The following UGT1A8 variants were observed in gnomAD, a reference collection of about 807,000 sequenced individuals.
UGT1A8 encodes the protein UDP-glucuronosyltransferase 1A8.
Under a neutral mutation model 45.3 loss-of-function variants are expected in UGT1A8, and 39 were observed. The observed-to-expected ratio is 0.86, with a 90% confidence interval of 0.67 to 1.12. The LOEUF is 1.12. Ranked by LOEUF, UGT1A8 falls within the 50% of genes most tolerant of loss-of-function variation. The probability of loss-of-function intolerance (pLI) is 0.00; values close to 1 mark genes in which losing one functional copy is unlikely to be tolerated. For missense variants in UGT1A8, 719 were observed against 664.9 expected (o/e 1.08, Z -0.90); for synonymous variants, 275 against 249.2 (o/e 1.10, Z -0.97).
rs552821881 is a variant in UGT1A8, at chr2:233,706,635, T to C, written c.856-60399T>C. ...AGACTAGAGAAATGAGTGTTTCTAC[T>C]GTGTCTGTGCCCCATCACTGTAGGT... On this transcript the variant is annotated intron_variant, in intron 1 of 4. Transcript: ENST00000373450. Among the ~76,000 whole-genome samples, 3 of 152,330 alleles carry C rather than the reference T, an allele frequency of 2.0e-5. No homozygotes were observed. The South Asian group carries it at 6.2e-4, about 32-fold the overall frequency.
chr2:233,643,994 G>T (rs748450381), intron 1 of UGT1A8, among the ~76,000 whole-genome samples: 1 of 152,224 alleles, frequency 6.6e-6, no homozygotes, highest in African/African-American at 2.4e-5. Flanking sequence ...TTTTGGAGCC[G>T]CAAGCTGTGC....
In UGT1A8 at chr2:233,760,260, G is replaced by A. The variant is rs753448247; in HGVS notation, c.856-6774G>A. ...TATATATATATATAAGTAGGAGAGG[G>A]CGAACCTCTGGCAGGAGCAAAGGCG... On this transcript the variant is annotated intron_variant, in intron 1 of 4. Coordinates refer to ENST00000373450, the MANE Select transcript of UGT1A8 (RefSeq NM_019076.5). 3.1e-6 allele frequency: 5 copies of A among 1,611,260 alleles called. 1 individual carries two copies. Among genetic ancestry groups the A allele is most frequent in the South Asian group, 2.2e-5 (2 of 90,906 alleles).
intron 1 of UGT1A8, among the ~76,000 whole-genome samples, chr2:233,765,461 A>G (rs963338723): frequency 3.9e-5 from 6 of 152,204 alleles, no homozygotes; most frequent in Non-Finnish European, 8.8e-5. Flanking sequence ...TTGCAAGGAC[A>G]TGGATGAAGC....
At position 233,772,691 on chromosome 2, in the gene UGT1A8, T is replaced by G. The variant is rs1314986383; in HGVS notation, c.*132T>G. ...TTGCATAAATTAATCAGCCCCAGAG[T>G]GCTTTAAAAAATTCTCTTAAATAAA... On this transcript the variant is annotated 3_prime_UTR_variant, in exon 5 of 5. Transcript: ENST00000373450. 1 of 1,488,486 alleles carries G rather than the reference T, an allele frequency of 6.7e-7. No individual in the cohort carries two copies. Among genetic ancestry groups the G allele is most frequent in the African/African-American group, 1.4e-5 (1 of 70,486 alleles). The allele number at this position is 1,488,486 out of a possible 1,614,324, so 92.2% of individuals were successfully genotyped here. A position where few individuals can be genotyped will look rare whatever the true frequency, so the allele number is the denominator to read the frequency against.
intron 1 of UGT1A8, among the ~76,000 whole-genome samples, chr2:233,668,955 A>G (rs1323867070): frequency 2.0e-5 from 3 of 152,334 alleles, no homozygotes; most frequent in East Asian, 1.9e-4. Context: ...CTGGTGAGGT[A>G]TTCTGTAGAA....
chr2:233,769,558 G>A lies in UGT1A8; in HGVS notation c.1295+1119G>A. On this transcript the variant is annotated intron_variant, in intron 4 of 4. Coordinates refer to ENST00000373450, the MANE Select transcript of UGT1A8 (RefSeq NM_019076.5). This position sits in a 1 kb window ranked among gnomAD's most constrained non-coding sequence, Gnocchi z 4.4. ...AGAAGCAGCAGTCAGGAAGACAGAT[G>A]TGAAGAGCTGGAGCATGTTCAGATG... 2 of 1,612,872 alleles carry A rather than the reference G, an allele frequency of 1.2e-6. No individual in the cohort carries two copies. The highest frequency in any genetic ancestry group is 1.7e-6 in the Non-Finnish European group (2 of 1,179,832).
intron 4 of UGT1A8, among the ~76,000 whole-genome samples, chr2:233,771,924 G>A (rs1363047939): frequency 1.3e-5 from 2 of 151,928 alleles, no homozygotes; most frequent in Non-Finnish European, 2.9e-5. Context: ...AACACAGCCT[G>A]GGCAACACAA....
Position 233,618,459 on chromosome 2 carries a change from G to A in UGT1A8, c.752G>A (p.Trp251Ter), listed in dbSNP as rs1269683639. 1 of 1,613,808 alleles carries A rather than the reference G, an allele frequency of 6.2e-7. No individual in the cohort carries two copies. Among genetic ancestry groups the A allele is most frequent in the Non-Finnish European group, 8.5e-7 (1 of 1,179,806 alleles). ...AYDLYSHTSI[W>*]LLRTDFVLDY... ...GATCTCTACAGCCACACATCAATTTGGTTGTTGCGAACAGACTTTGTTTTG... is the reference window on the plus strand; with the variant it reads ...GATCTCTACAGCCACACATCAATTTAGTTGTTGCGAACAGACTTTGTTTTG... The change falls in exon 1 of 5, where the codon TGG becomes TAG. Residue 251 changes from tryptophan (W) to a stop codon, truncating the protein, a stop_gained. Coordinates refer to ENST00000373450, the MANE Select transcript of UGT1A8 (RefSeq NM_019076.5). LOFTEE classifies it high-confidence loss of function.
chr2:233,691,190 G>A, intron 1 of UGT1A8: 1 of 985,670 alleles, frequency 1.0e-6, no homozygotes, highest in Non-Finnish European at 1.2e-6. Context: ...CAAGAAGGTG[G>A]ACCTGAGCTC....
At chr2:233,693,942 C>G in intron 1 of UGT1A8, 1 of 1,601,216 alleles carries the variant, frequency 6.2e-7, no homozygotes, top group Non-Finnish European at 8.5e-7. Flanking sequence ...GCTCCTTGAG[C>G]CGACTGTCCC....
chr2:233,695,753 C>T (rs1452748853), intron 1 of UGT1A8, among the ~76,000 whole-genome samples: 1 of 152,168 alleles, frequency 6.6e-6, no homozygotes, highest in Non-Finnish European at 1.5e-5. Flanking sequence ...GACAGGTCTT[C>T]ATCCTTTTTT....
At chr2:233,622,237 T>C (rs2125448924) in intron 1 of UGT1A8, among the ~76,000 whole-genome samples, 1 of 152,334 alleles carries the variant, frequency 6.6e-6, no homozygotes, top group South Asian at 2.1e-4. Context: ...ATTCTTTGGG[T>C]ATATACCCAG....
chr2:233,649,631 T>A (rs996173571), intron 1 of UGT1A8, among the ~76,000 whole-genome samples: 8 of 152,242 alleles, frequency 5.3e-5, no homozygotes, highest in Non-Finnish European at 1.0e-4. Context: ...GACATGTTCT[T>A]TTAATAATTG....
chr2:233,655,939 A>G (rs996781894), intron 1 of UGT1A8, among the ~76,000 whole-genome samples: 1 of 152,140 alleles, frequency 6.6e-6, no homozygotes, highest in Non-Finnish European at 1.5e-5. Context: ...TTACAGAATT[A>G]TAAGTTTGGA....
intron 1 of UGT1A8, among the ~76,000 whole-genome samples, chr2:233,706,279 T>C (rs923894303): frequency 6.6e-6 from 1 of 151,976 alleles, no homozygotes; most frequent in Admixed American, 6.6e-5. Context: ...ACCTCAGGGG[T>C]GGGGCCCAGT....
chr2:233,730,285 A>G (rs2078010398), intron 1 of UGT1A8, among the ~76,000 whole-genome samples: 1 of 152,170 alleles, frequency 6.6e-6, no homozygotes, highest in Admixed American at 6.5e-5. Context: ...CACCATCTTC[A>G]TGGTTGTGCA....
chr2:233,754,994 G>A, intron 1 of UGT1A8: 2 of 1,293,996 alleles, frequency 1.5e-6, no homozygotes. Flanking sequence ...GGTCACGGAA[G>A]CTGAAGACCT....
chr2:233,722,092 G>A, intron 1 of UGT1A8: 1 of 213,982 alleles, frequency 4.7e-6, no homozygotes, highest in South Asian at 7.6e-5. Context: ...GATCACCTTA[G>A]GCCTCTTAGA....
At chr2:233,625,161 T>G (rs1302477093) in intron 1 of UGT1A8, among the ~76,000 whole-genome samples, 1 of 152,094 alleles carries the variant, frequency 6.6e-6, no homozygotes, top group East Asian at 1.9e-4. Flanking sequence ...AAGGAAAATG[T>G]TATTTAAAAA....
Sources: allele counts gnomAD v4.1 joint callset (sites outside exome capture counted in the v4.1 genomes callset), GRCh38; gene constraint gnomAD v4.1.1; non-coding constraint Gnocchi (gnomAD v3.1); transcripts MANE v1.5; gene names NCBI Gene and HGNC (gene_info 2026-07-23, HGNC 2026-07-21).